WDR7: variants seen among roughly 807,000 people sequenced by gnomAD.
WDR7 encodes the protein WD repeat domain 7, also known as WD repeat-containing protein 7.
In WDR7, 46 loss-of-function variants were observed where a neutral mutation model predicts 169.4. That is an observed-to-expected ratio of 0.27 (90% CI 0.21 to 0.35). WDR7 has a LOEUF of 0.35. Ranked by LOEUF, WDR7 falls within the 10% of genes least tolerant of loss-of-function variation. The probability of loss-of-function intolerance (pLI) is 1.00; values close to 1 mark genes in which losing one functional copy is unlikely to be tolerated. For synonymous variants in WDR7, 612 were observed against 666.8 expected (o/e 0.92, Z 1.27); for missense variants, 1,534 against 1,859.3 (o/e 0.83, Z 3.22).
At chr18:56,689,810 T>C (rs2025525945) in intron 7 of WDR7, among the ~76,000 whole-genome samples, 1 of 128,104 alleles carries the variant, frequency 7.8e-6, no homozygotes. Flanking sequence ...CTAACTTTTA[T>C]AGTTGTATGA....
intron 21 of WDR7, among the ~76,000 whole-genome samples, chr18:56,886,770 C>T (rs957040190): frequency 3.9e-5 from 6 of 152,044 alleles, no homozygotes; most frequent in African/African-American, 7.2e-5. Context: ...TAAGCTAAAG[C>T]GGATATCTTT....
intron 26 of WDR7, among the ~76,000 whole-genome samples, chr18:57,018,646 G>GT (rs2048242916): frequency 6.6e-6 from 1 of 152,156 alleles, no homozygotes; most frequent in Non-Finnish European, 1.5e-5. Flanking sequence ...GAAAAAATTT[G>GT]TTTTTTGCAC....
intron 1 of WDR7, among the ~76,000 whole-genome samples, chr18:56,670,927 A>G (rs1237764205): frequency 6.6e-6 from 1 of 152,162 alleles, no homozygotes; most frequent in Non-Finnish European, 1.5e-5. Context: ...GCTTTCTTTG[A>G]CTATTCCAGT....
At chr18:56,924,269 G>A (rs1028324669) in intron 22 of WDR7, among the ~76,000 whole-genome samples, 161 bp downstream of exon 22, 1 of 152,078 alleles carries the variant, frequency 6.6e-6, no homozygotes, top group Non-Finnish European at 1.5e-5. Flanking sequence ...CAATGAAAAG[G>A]AAGCATGTTT....
intron 25 of WDR7, among the ~76,000 whole-genome samples, chr18:56,959,511 A>G (rs1334072235): frequency 1.3e-5 from 2 of 152,076 alleles, no homozygotes; most frequent in Non-Finnish European, 2.9e-5. Context: ...GCAGAGGAGA[A>G]CTGTTGTTCA....
At chr18:56,786,536 A>C (rs2044403286) in intron 19 of WDR7, among the ~76,000 whole-genome samples, 1 of 152,022 alleles carries the variant, frequency 6.6e-6, no homozygotes, top group Non-Finnish European at 1.5e-5. Context: ...TCTCCAAAAA[A>C]AAAAACAAAA....
chr18:56,957,081 C>G (rs1353013819), intron 25 of WDR7, among the ~76,000 whole-genome samples: 1 of 152,008 alleles, frequency 6.6e-6, no homozygotes, highest in Non-Finnish European at 1.5e-5. Context: ...TACAGTATAA[C>G]CTAAGTTCCC....
chr18:56,871,569 A>G (rs2045954194), intron 20 of WDR7, among the ~76,000 whole-genome samples: 1 of 152,170 alleles, frequency 6.6e-6, no homozygotes, highest in Non-Finnish European at 1.5e-5. Flanking sequence ...ATATTATTAA[A>G]TATTTAAAAG....
At chr18:56,891,069 C>T (rs141022361) in intron 21 of WDR7, 4 of 152,072 alleles carry the variant, frequency 2.6e-5, no homozygotes, top group African/African-American at 9.7e-5. Flanking sequence ...TAGAGAGACC[C>T]AGTAGAATCT....
intron 21 of WDR7, among the ~76,000 whole-genome samples, chr18:56,920,586 G>A (rs560403774): frequency 5.3e-4 from 80 of 152,224 alleles, no homozygotes; most frequent in African/African-American, 1.6e-3. Flanking sequence ...TTTTAATACC[G>A]TCACTGGAGA....
chr18:57,026,682 C>T (rs1254492262), intron 27 of WDR7, among the ~76,000 whole-genome samples: 1 of 152,134 alleles, frequency 6.6e-6, no homozygotes, highest in Non-Finnish European at 1.5e-5. Context: ...TTTAAATATC[C>T]ACAATTTCCA....
chr18:56,958,386 T>G (rs2047287203), intron 25 of WDR7, among the ~76,000 whole-genome samples: 1 of 152,164 alleles, frequency 6.6e-6, no homozygotes, highest in African/African-American at 2.4e-5. Context: ...CCTATTTCAA[T>G]AATGGCATCA....
chr18:56,699,570 G>A (rs2025778461), intron 12 of WDR7, among the ~76,000 whole-genome samples: 1 of 152,164 alleles, frequency 6.6e-6, no homozygotes, highest in African/African-American at 2.4e-5. Flanking sequence ...GAATTCAGGT[G>A]GAAGTTGAGT....
At chr18:56,741,629 CAG>C (rs1461964366) in intron 14 of WDR7, among the ~76,000 whole-genome samples, 1 of 152,184 alleles carries the variant, frequency 6.6e-6, no homozygotes, top group East Asian at 1.9e-4. Flanking sequence ...GTGTATATTT[CAG>C]AGAGTTTGGG....
intron 1 of WDR7, among the ~76,000 whole-genome samples, chr18:56,664,471 G>T (rs999416406): frequency 2.0e-5 from 3 of 151,780 alleles, no homozygotes; most frequent in African/African-American, 4.8e-5. Flanking sequence ...ATGGTAGACG[G>T]TGAGAACATA....
downstream of WDR7, chr18:57,032,801 T>TTATTTTTATATATA (rs1210749361): frequency 5.2e-4 from 55 of 106,140 alleles, no homozygotes; most frequent in African/African-American, 1.6e-3. Flanking sequence ...TATAATTATT[T>TTATTTTTATATATA]TATATATATA....
At chr18:56,816,370 AACCT>A (rs1408247006) in intron 20 of WDR7, among the ~76,000 whole-genome samples, 1 of 152,152 alleles carries the variant, frequency 6.6e-6, no homozygotes, top group Non-Finnish European at 1.5e-5. Context: ...TCTAACAATA[AACCT>A]ACTAGCTGTG....
intron 7 of WDR7, 49 bp downstream of exon 7, chr18:56,687,023 T>G (rs531972875): frequency 5.2e-6 from 8 of 1,527,178 alleles, no homozygotes; most frequent in Non-Finnish European, 5.3e-6. Context: ...CTTCAAGACA[T>G]TGGTTTATCA....
chr18:57,011,839 T>C (rs1041942923), intron 26 of WDR7, among the ~76,000 whole-genome samples: 9 of 152,252 alleles, frequency 5.9e-5, no homozygotes, highest in Non-Finnish European at 1.2e-4. Context: ...ATTTACCATG[T>C]ACTTCCATTT....
Sources: allele counts gnomAD v4.1 joint callset (sites outside exome capture counted in the v4.1 genomes callset), GRCh38; gene constraint gnomAD v4.1.1; transcripts MANE v1.5; gene names NCBI Gene and HGNC (gene_info 2026-07-23, HGNC 2026-07-21).